The following NPAS3 variants were observed in gnomAD, a reference collection of about 807,000 sequenced individuals.
The protein encoded by NPAS3 is neuronal PAS domain-containing protein 3.
A neutral mutation model predicts 73.1 loss-of-function variants in NPAS3; 14 were observed. The ratio of observed to expected loss-of-function variants is 0.19; its 90% CI spans 0.13 to 0.30. The LOEUF is 0.30. NPAS3 is among the 10% of genes least tolerant of loss of function. The pLI, the probability that NPAS3 is intolerant of heterozygous loss-of-function variation, is 1.00. For synonymous variants in NPAS3, 620 were observed against 541.5 expected (o/e 1.14, Z -2.01); for missense variants, 1,096 against 1,250.0 (o/e 0.88, Z 1.86).
upstream of NPAS3, chr14:32,934,927 G>A (rs2035649671): frequency 9.2e-7 from 1 of 1,085,918 alleles, no homozygotes; most frequent in Non-Finnish European, 1.1e-6. The surrounding 1 kb of genome is among the most constrained non-coding windows in gnomAD (Gnocchi z 4.1). Context: ...GCCGGCCGGC[G>A]CGGGCATGGG....
intron 3 of NPAS3, among the ~76,000 whole-genome samples, chr14:33,294,225 G>C (rs1029895525): frequency 1.3e-5 from 2 of 152,128 alleles, no homozygotes; most frequent in Admixed American, 6.6e-5. Flanking sequence ...CCTAGCTTTT[G>C]CTTTCTCTCT....
intron 5 of NPAS3, among the ~76,000 whole-genome samples, chr14:33,664,646 C>G (rs982410789): frequency 1.3e-5 from 2 of 152,142 alleles, no homozygotes; most frequent in Non-Finnish European, 2.9e-5. Context: ...CCAGAATCTA[C>G]AAGGAACTCA....
intron 2 of NPAS3, among the ~76,000 whole-genome samples, chr14:33,140,885 A>G (rs1160817194): frequency 4.6e-5 from 7 of 152,192 alleles, no homozygotes; most frequent in African/African-American, 9.7e-5. Flanking sequence ...CCTATTGACT[A>G]TGGCCAAACA....
intron 2 of NPAS3, among the ~76,000 whole-genome samples, chr14:33,159,477 T>A (rs2044769993): frequency 6.6e-6 from 1 of 152,052 alleles, no homozygotes; most frequent in Non-Finnish European, 1.5e-5. Context: ...TCACTGTCCT[T>A]AGATGTTTTT....
At chr14:33,795,109 C>T (rs1405405303) in intron 10 of NPAS3, among the ~76,000 whole-genome samples, 1 of 152,226 alleles carries the variant, frequency 6.6e-6, no homozygotes, top group Non-Finnish European at 1.5e-5. Flanking sequence ...ACTGGCCCTT[C>T]AGAGTGTGTT....
At chr14:33,221,659 G>A (rs550717658) in intron 3 of NPAS3, among the ~76,000 whole-genome samples, 3 of 152,018 alleles carry the variant, frequency 2.0e-5, no homozygotes, top group Admixed American at 6.5e-5. Context: ...TTTTTTTGTG[G>A]AGACTTTGGA....
intron 3 of NPAS3, among the ~76,000 whole-genome samples, chr14:33,274,243 A>G (rs567464979): frequency 6.6e-6 from 1 of 152,348 alleles, no homozygotes; most frequent in South Asian, 2.1e-4. Flanking sequence ...AGTAGGTTAC[A>G]GTCTGTTTAC....
At chr14:33,429,548 T>G (rs1185908747) in intron 4 of NPAS3, among the ~76,000 whole-genome samples, 1 of 152,178 alleles carries the variant, frequency 6.6e-6, no homozygotes, top group Non-Finnish European at 1.5e-5. Context: ...TGTACTGAGG[T>G]GTCACCATTA....
chr14:33,776,390 C>G (rs896006925), intron 8 of NPAS3, among the ~76,000 whole-genome samples: 2 of 151,870 alleles, frequency 1.3e-5, no homozygotes, highest in Admixed American at 6.6e-5. Flanking sequence ...CCCAAAACAT[C>G]ACTTAATTTT....
intron 3 of NPAS3, among the ~76,000 whole-genome samples, chr14:33,226,577 C>A (rs1038019575): frequency 6.6e-6 from 1 of 152,074 alleles, no homozygotes; most frequent in African/African-American, 2.4e-5. Context: ...AATTATATAA[C>A]ATAATATAAT....
At chr14:33,232,403 C>A (rs890440180) in intron 3 of NPAS3, among the ~76,000 whole-genome samples, 1 of 152,194 alleles carries the variant, frequency 6.6e-6, no homozygotes, top group Non-Finnish European at 1.5e-5. Flanking sequence ...ATTATGAGAT[C>A]ATACTTTCTG....
chr14:33,475,764 T>C (rs531571917), intron 4 of NPAS3, among the ~76,000 whole-genome samples: 11 of 152,182 alleles, frequency 7.2e-5, no homozygotes, highest in African/African-American at 2.6e-4. Context: ...CTGTGGGCCT[T>C]TGTGAATGGG....
At chr14:32,938,433 G>A (rs986468591), upstream of NPAS3, among the ~76,000 whole-genome samples, 1 of 145,762 alleles carries the variant, frequency 6.9e-6, no homozygotes, top group Non-Finnish European at 1.5e-5. Context: ...GCCGGCAGCC[G>A]AGCCTCCCAG....
At chr14:33,086,958 G>C (rs1234562629) in intron 2 of NPAS3, among the ~76,000 whole-genome samples, 1 of 151,988 alleles carries the variant, frequency 6.6e-6, no homozygotes, top group Non-Finnish European at 1.5e-5. Context: ...TTGTCTCTCA[G>C]AAGTCAGACT....
intron 7 of NPAS3, among the ~76,000 whole-genome samples, chr14:33,737,489 C>G (rs1489034618): frequency 6.6e-6 from 1 of 152,128 alleles, no homozygotes; most frequent in Non-Finnish European, 1.5e-5. Context: ...CCCTGACATA[C>G]CCTGTCAGCA....
intron 3 of NPAS3, among the ~76,000 whole-genome samples, chr14:33,327,256 C>T (rs1215700836): frequency 6.6e-6 from 1 of 152,156 alleles, no homozygotes; most frequent in African/African-American, 2.4e-5. Flanking sequence ...AATGCACTGT[C>T]ATATTGAGTG....
intron 2 of NPAS3, among the ~76,000 whole-genome samples, chr14:33,189,404 T>A (rs967371125): frequency 1.3e-5 from 2 of 152,200 alleles, no homozygotes; most frequent in African/African-American, 4.8e-5. Context: ...GGGGATATAG[T>A]GCATGTTTCA....
intron 2 of NPAS3, among the ~76,000 whole-genome samples, chr14:33,160,147 T>C (rs1355448013): frequency 6.6e-6 from 1 of 152,192 alleles, no homozygotes; most frequent in African/African-American, 2.4e-5. Context: ...AAATGTCATG[T>C]ATGAGACATA....
chr14:33,144,600 G>A (rs528149557), intron 2 of NPAS3, among the ~76,000 whole-genome samples: 1 of 152,200 alleles, frequency 6.6e-6, no homozygotes, highest in Non-Finnish European at 1.5e-5. Context: ...GGAGTGCAGT[G>A]GCATGCTCAT....
Sources: gnomAD v4.1 joint callset for allele counts (sites outside exome capture counted in the v4.1 genomes callset) on GRCh38, gnomAD v4.1.1 for gene constraint, Gnocchi (gnomAD v3.1) non-coding constraint, MANE v1.5 for transcripts, NCBI Gene and HGNC (gene_info 2026-07-23, HGNC 2026-07-21) for gene names.